The following SLAMF9 variants were observed in gnomAD, a reference collection of about 807,000 sequenced individuals.
SLAMF9 encodes the protein SLAM family member 9.
In SLAMF9, 25 loss-of-function variants were observed where a neutral mutation model predicts 30.4. That is an observed-to-expected ratio of 0.82 (90% CI 0.60 to 1.15). The LOEUF (loss-of-function observed/expected upper bound fraction) is 1.15. SLAMF9 is among the 50% of genes most tolerant of loss of function. SLAMF9 has a pLI of 0.00. For missense variants in SLAMF9, 344 were observed against 346.1 expected, an observed-to-expected ratio of 0.99 and a Z score of 0.05; for synonymous variants, 129 against 127.2, an observed-to-expected ratio of 1.01 and a Z score of -0.09.
At chr1:159,966,488 G>A in the SLAMF9 span, among the ~76,000 whole-genome samples, 12 of 152,164 alleles carry the variant, frequency 7.9e-5, no homozygotes, top group South Asian at 2.1e-4. Context: ...TCAGAAGTGG[G>A]ATAGTTGGAT....
At chr1:159,981,013 T>C in the SLAMF9 span, among the ~76,000 whole-genome samples, 1 of 152,226 alleles carries the variant, frequency 6.6e-6, no homozygotes, top group Non-Finnish European at 1.5e-5. Flanking sequence ...GAGAGGGCAG[T>C]GGAGGCAGCA....
upstream of SLAMF9, among the ~76,000 whole-genome samples, chr1:159,959,116 C>T (rs1190077160): frequency 1.3e-5 from 2 of 152,174 alleles, no homozygotes; most frequent in Non-Finnish European, 2.9e-5. Flanking sequence ...CAACTCTCCT[C>T]CCCCAACTCA....
chr1:159,972,747 C>A, the SLAMF9 span: 2 of 381,938 alleles, frequency 5.2e-6, no homozygotes, highest in Non-Finnish European at 8.9e-6. Flanking sequence ...TGGAGGGGAG[C>A]CCCTCTGGGC....
At chr1:159,981,206 G>T in the SLAMF9 span, among the ~76,000 whole-genome samples, 5 of 152,118 alleles carry the variant, frequency 3.3e-5, no homozygotes, top group Non-Finnish European at 7.3e-5. Context: ...TATAAGAAAA[G>T]GAAACCAGGA....
upstream of SLAMF9, among the ~76,000 whole-genome samples, chr1:159,957,496 C>T (rs528136917): frequency 9.9e-5 from 15 of 151,434 alleles, no homozygotes; most frequent in South Asian, 1.9e-3. Context: ...TGGTGGCGGG[C>T]GCCTGTAGTC....
At chr1:159,978,213 T>A in the SLAMF9 span, among the ~76,000 whole-genome samples, 2 of 151,946 alleles carry the variant, frequency 1.3e-5, no homozygotes, top group Admixed American at 6.6e-5. Context: ...AAGGGCCAGG[T>A]GAGACCTCAG....
chr1:159,951,886 G>A lies in SLAMF9; in HGVS notation c.665-20C>T. 1 of 1,610,208 alleles carries A rather than the reference G, an allele frequency of 6.2e-7. No homozygotes were observed. Among genetic ancestry groups the A allele is most frequent in the Admixed American group, 1.7e-5 (1 of 59,970 alleles). ...TAGGATCTGGGGTGGAAGAAAGGAG[G>A]AAAGGGCCCATCAGTGGTAGGGTTG... is the stretch of plus-strand genomic sequence containing the variant. On this transcript the variant is annotated intron_variant, in intron 3 of 3. Transcript: ENST00000368093.
chr1:159,953,484 T>C lies in SLAMF9; in HGVS notation c.216A>G (p.Pro72=), dbSNP rs1651837687. ...GTGGATTGGTCACCATGATGGTAGC[T>C]GGATGTCCCTCTTTCCCTGGCACCA... is the stretch of plus-strand genomic sequence containing the variant. The part of the protein sequence containing the change: ...ATVVPGKEGH[P]ATIMVTNPHY... Residue 72 remains proline (P), a synonymous_variant, in exon 2 of 4, where the codon CCA becomes CCG. Transcript: ENST00000368093. 2 of 1,614,070 alleles carry C rather than the reference T, an allele frequency of 1.2e-6. No homozygotes were observed. Among genetic ancestry groups the C allele is most frequent in the East Asian group, 2.2e-5 (1 of 44,894 alleles).
At chr1:159,959,810 G>T in the SLAMF9 span, among the ~76,000 whole-genome samples, 1 of 152,050 alleles carries the variant, frequency 6.6e-6, no homozygotes. Flanking sequence ...TCCAAAGGCA[G>T]TGACACCAGT....
the SLAMF9 span, chr1:159,977,109 T>C: frequency 6.6e-6 from 1 of 152,058 alleles, no homozygotes. Flanking sequence ...GGCTCTACCT[T>C]AAGGTAGGTA....
chr1:159,956,085 C>T (rs1487826369), upstream of SLAMF9, among the ~76,000 whole-genome samples: 1 of 152,138 alleles, frequency 6.6e-6, no homozygotes, highest in Non-Finnish European at 1.5e-5. Flanking sequence ...CTAGAGCCAA[C>T]ATATGGAATC....
the SLAMF9 span, chr1:159,983,058 A>G: frequency 1.3e-5 from 2 of 152,160 alleles, no homozygotes; most frequent in African/African-American, 4.8e-5. Context: ...AAAGAAACAT[A>G]TCAACATTAG....
chr1:159,981,879 G>T, the SLAMF9 span, among the ~76,000 whole-genome samples: 1 of 152,236 alleles, frequency 6.6e-6, no homozygotes, highest in Non-Finnish European at 1.5e-5. Context: ...ACATCCTGGA[G>T]CTGCACCACA....
At chr1:159,983,421 G>A in the SLAMF9 span, 1 of 152,206 alleles carries the variant, frequency 6.6e-6, no homozygotes, top group African/African-American at 2.4e-5. Context: ...CCTTTCCTAG[G>A]AAAAGGGTCC....
At chr1:159,970,274 G>A in the SLAMF9 span, among the ~76,000 whole-genome samples, 1 of 152,178 alleles carries the variant, frequency 6.6e-6, no homozygotes, top group African/African-American at 2.4e-5. Context: ...CCTCATATGA[G>A]GATAGTGCAG....
In SLAMF9 at chr1:159,953,573, C is replaced by G. The variant is rs1250735046; in HGVS notation, c.127G>C (p.Glu43Gln). The change falls in exon 2 of 4, where the codon GAA becomes CAA. Residue 43 changes from glutamate (E) to glutamine (Q), a missense_variant. Glu to Gln is a conservative substitution (Grantham distance 29). Transcript: ENST00000368093. ...TCAACCTCTTCATCTGGTGGTATTT[C>G]CAGGGGGAGGCTGATGGACTCCTGA... ...VLQESISLPL[E>Q]IPPDEEVENI... 1 of 1,614,134 alleles carries G rather than the reference C, an allele frequency of 6.2e-7. No individual in the cohort carries two copies.
chr1:159,957,407 C>T (rs907926638), upstream of SLAMF9, among the ~76,000 whole-genome samples: 6 of 152,214 alleles, frequency 3.9e-5, 1 homozygote, highest in Admixed American at 2.0e-4. Flanking sequence ...GGGTGGATCA[C>T]GAGGTCAAGA....
At chr1:159,975,452 A>G in the SLAMF9 span, among the ~76,000 whole-genome samples, 1 of 152,238 alleles carries the variant, frequency 6.6e-6, no homozygotes, top group South Asian at 2.1e-4. Flanking sequence ...TAGTCTGGGA[A>G]CTGGTGGAGT....
chr1:159,953,580 G>A lies in SLAMF9; in HGVS notation c.120C>T (p.Leu40=), dbSNP rs373318679. The A allele has an allele frequency of 5.0e-6, 8 of 1,614,000 alleles. No individual in the cohort carries two copies. Among genetic ancestry groups the A allele is most frequent in the East Asian group, 4.5e-5 (2 of 44,880 alleles). The change falls in exon 2 of 4, where the codon CTC becomes CTT. Residue 40 remains leucine (L), a synonymous_variant. Coordinates refer to ENST00000368093, the MANE Select transcript of SLAMF9 (RefSeq NM_033438.4). ...VVAVLQESIS[L]PLEIPPDEEV... ...CTTCATCTGGTGGTATTTCCAGGGG[G>A]AGGCTGATGGACTCCTGAAGGACCG...
Sources: gnomAD v4.1 joint callset for allele counts (sites outside exome capture counted in the v4.1 genomes callset) on GRCh38, gnomAD v4.1.1 for gene constraint, MANE v1.5 for transcripts, NCBI Gene and HGNC (gene_info 2026-07-23, HGNC 2026-07-21) for gene names.